Variants in RAB27B observed in about 807,000 individuals in gnomAD.
The protein encoded by RAB27B is ras-related protein Rab-27B.
Under a neutral mutation model 24.6 loss-of-function variants are expected in RAB27B, and 15 were observed. The observed-to-expected ratio is 0.61, with a 90% CI of 0.41 to 0.94. The LOEUF is 0.94. Among genes scored for constraint, RAB27B ranks in the 40% least tolerant of loss-of-function variants. The pLI, the probability that RAB27B is intolerant of heterozygous loss-of-function variation, is 0.00. For synonymous variants in RAB27B, 105 were observed against 92.5 expected (o/e 1.14, Z -0.78); for missense variants, 261 against 266.8 (o/e 0.98, Z 0.15).
chr18:54,763,466 G>T (rs1908258740), intron 2 of RAB27B, among the ~76,000 whole-genome samples: 1 of 152,140 alleles, frequency 6.6e-6, no homozygotes, highest in Non-Finnish European at 1.5e-5. Context: ...TTTAAGCAAA[G>T]CTATGATGGG....
chr18:54,849,637 C>G (rs1911477315), intron 1 of RAB27B, among the ~76,000 whole-genome samples: 1 of 152,162 alleles, frequency 6.6e-6, no homozygotes, highest in Non-Finnish European at 1.5e-5. Context: ...AGGAAAATCT[C>G]TTGAACCCAG....
chr18:54,870,941 T>G (rs1295474518), intron 1 of RAB27B, among the ~76,000 whole-genome samples: 1 of 152,216 alleles, frequency 6.6e-6, no homozygotes, highest in African/African-American at 2.4e-5. Flanking sequence ...GATTATACTA[T>G]TCTCTCAAAT....
At chr18:54,717,994 C>G (rs1379823318) in intron 1 of RAB27B, 1 of 152,122 alleles carries the variant, frequency 6.6e-6, no homozygotes, top group African/African-American at 2.4e-5. Context: ...TTTAGTGTTC[C>G]CTTAATATGA....
intron 2 of RAB27B, among the ~76,000 whole-genome samples, chr18:54,772,675 A>T (rs1477753858): frequency 2.0e-5 from 3 of 152,220 alleles, no homozygotes; most frequent in Admixed American, 6.5e-5. Flanking sequence ...TTAATTATTT[A>T]AAAAACCCTT....
At chr18:54,817,389 C>G (rs1365291216) in intron 2 of RAB27B, among the ~76,000 whole-genome samples, 1 of 152,114 alleles carries the variant, frequency 6.6e-6, no homozygotes, top group East Asian at 1.9e-4. Context: ...TGGGAAGACC[C>G]TCAAGTTTAT....
At chr18:54,832,656 C>A (rs1910730268) in intron 1 of RAB27B, among the ~76,000 whole-genome samples, 1 of 152,092 alleles carries the variant, frequency 6.6e-6, no homozygotes, top group African/African-American at 2.4e-5. Context: ...CATTTGGGAC[C>A]TTGTATGGGA....
intron 2 of RAB27B, among the ~76,000 whole-genome samples, chr18:54,753,128 T>C (rs1907889869): frequency 6.6e-6 from 1 of 152,138 alleles, no homozygotes; most frequent in Non-Finnish European, 1.5e-5. Context: ...CACAGGTAAT[T>C]AGAAATTTGA....
chr18:54,773,375 G>A (rs1002788749), intron 2 of RAB27B, among the ~76,000 whole-genome samples: 1 of 152,192 alleles, frequency 6.6e-6, no homozygotes, highest in Non-Finnish European at 1.5e-5. Context: ...TGCACCAAGG[G>A]TAGAGATGAA....
intron 1 of RAB27B, among the ~76,000 whole-genome samples, chr18:54,836,215 T>C (rs1910887656): frequency 6.6e-6 from 1 of 151,976 alleles, no homozygotes; most frequent in Non-Finnish European, 1.5e-5. Context: ...GATTAAATGA[T>C]AATAACTGAG....
chr18:54,803,262 A>G (rs1331689178), intron 2 of RAB27B, among the ~76,000 whole-genome samples: 2 of 152,202 alleles, frequency 1.3e-5, no homozygotes, highest in African/African-American at 2.4e-5. Flanking sequence ...CTAAGAGATG[A>G]CTTTGAGCAG....
At chr18:54,792,457 CAAAT>C (rs966041547) in intron 2 of RAB27B, among the ~76,000 whole-genome samples, 7 of 152,108 alleles carry the variant, frequency 4.6e-5, no homozygotes, top group Middle Eastern at 3.2e-3. Flanking sequence ...TCTACATGGT[CAAAT>C]AAATAACAAT....
upstream of RAB27B, among the ~76,000 whole-genome samples, chr18:54,826,152 A>C (rs1054089041): frequency 2.4e-4 from 37 of 152,238 alleles, no homozygotes; most frequent in Non-Finnish European, 4.4e-5. Context: ...ACATGTGATA[A>C]TCTTGCCATT....
At chr18:54,862,807 T>G (rs1387617377) in intron 1 of RAB27B, among the ~76,000 whole-genome samples, 3 of 152,208 alleles carry the variant, frequency 2.0e-5, no homozygotes, top group Non-Finnish European at 4.4e-5. Flanking sequence ...TTCTCAATGA[T>G]TTTCAATTAC....
rs76489409 is a variant in RAB27B, at chr18:54,767,316, G to C, written c.-20+49175G>C. On this transcript the variant is annotated intron_variant, in intron 2 of 4. Coordinates refer to the RAB27B transcript ENST00000586570. ...TGTTTACCCAGTGGCTCATGCCAGTGTGTGGTGGGCAGTATTGATTTTTCT... is the reference window on the plus strand; with the variant it reads ...TGTTTACCCAGTGGCTCATGCCAGTCTGTGGTGGGCAGTATTGATTTTTCT... Among the ~76,000 whole-genome samples the C allele has an allele frequency of 2.6e-3, 389 of 152,274 alleles. 1 individual carries two copies. Among genetic ancestry groups the C allele is most frequent in the African/African-American group, 8.9e-3 (369 of 41,568 alleles).
At chr18:54,867,442 C>CTTTTCTTTTTTTTTTTTTTTTT (rs1555666326) in intron 1 of RAB27B, among the ~76,000 whole-genome samples, 2 of 98,754 alleles carry the variant, frequency 2.0e-5, no homozygotes, top group Non-Finnish European at 4.0e-5. Flanking sequence ...CTTTTCTTTT[C>CTTTTCTTTTTTTTTTTTTTTTT]TTTTTTTTTT....
chr18:54,773,174 G>A (rs1053189647), intron 2 of RAB27B, among the ~76,000 whole-genome samples: 7 of 152,024 alleles, frequency 4.6e-5, no homozygotes, highest in Non-Finnish European at 5.9e-5. Flanking sequence ...ATTTTCTAAA[G>A]CACTAAAGGA....
chr18:54,783,935 T>C (rs879699731), intron 2 of RAB27B, among the ~76,000 whole-genome samples: 20 of 152,292 alleles, frequency 1.3e-4, no homozygotes, highest in Non-Finnish European at 2.4e-4. Flanking sequence ...CCTGAACACT[T>C]GTTTGTGACC....
chr18:54,764,866 A>G (rs1363369630), intron 2 of RAB27B, among the ~76,000 whole-genome samples: 1 of 152,256 alleles, frequency 6.6e-6, no homozygotes, highest in Non-Finnish European at 1.5e-5. Flanking sequence ...GGCATCTCAC[A>G]ATTGAACTCC....
At chr18:54,760,021 G>A (rs570634694) in intron 2 of RAB27B, among the ~76,000 whole-genome samples, 11 of 152,234 alleles carry the variant, frequency 7.2e-5, no homozygotes, top group African/African-American at 1.4e-4. Flanking sequence ...CTGTCAAACC[G>A]AGCTGTTAAA....
Sources: allele counts gnomAD v4.1 joint callset (sites outside exome capture counted in the v4.1 genomes callset), GRCh38; gene constraint gnomAD v4.1.1; transcripts MANE v1.5; gene names NCBI Gene and HGNC (gene_info 2026-07-23, HGNC 2026-07-21).